Variants in XPO7 observed in about 807,000 individuals in gnomAD.
The protein encoded by XPO7 is exportin 7.
XPO7 carries 21 observed loss-of-function variants against 144.3 expected under a neutral mutation model. That is an observed-to-expected ratio of 0.15 (90% CI 0.10 to 0.21). The LOEUF (loss-of-function observed/expected upper bound fraction) is 0.21. Among genes scored for constraint, XPO7 ranks in the 10% least tolerant of loss-of-function variants. The pLI is 1.00. For synonymous variants in XPO7, 580 were observed against 499.6 expected (o/e 1.16, Z -2.15); for missense variants, 808 against 1,325.8 (o/e 0.61, Z 6.06).
Position 21,990,101 on chromosome 8 carries a change from G to A in XPO7, c.1869-243G>A, listed in dbSNP as rs957160171. 2.6e-5 allele frequency among the ~76,000 whole-genome samples: 4 copies of A among 151,628 alleles called. No individual in the cohort carries two copies. Among genetic ancestry groups the A allele is most frequent in the Non-Finnish European group, 2.9e-5 (2 of 67,938 alleles). The stretch of plus-strand genomic sequence containing the variant: ...CCTGACCTCGTGATCTGCCCTCCTC[G>A]GCCTCTCAAAGTGCTGGGATTACAG... On this transcript the variant is annotated intron_variant, in intron 16 of 27. Transcript: ENST00000252512.
At chr8:21,998,210 G>A (rs1036563151) in intron 21 of XPO7, among the ~76,000 whole-genome samples, 1 of 152,168 alleles carries the variant, frequency 6.6e-6, no homozygotes, top group Admixed American at 6.5e-5. Context: ...GGGAGGCTGA[G>A]GCGGGCGGAT....
intron 1 of XPO7, among the ~76,000 whole-genome samples, chr8:21,962,996 C>T (rs1483742278): frequency 6.6e-6 from 1 of 152,084 alleles, no homozygotes; most frequent in Non-Finnish European, 1.5e-5. Context: ...TTTCCCAGTA[C>T]ACAGAAAAAT....
intron 1 of XPO7, among the ~76,000 whole-genome samples, chr8:21,959,161 G>A (rs1029350680): frequency 6.6e-6 from 1 of 152,116 alleles, no homozygotes. Context: ...TGCGAATAAC[G>A]AGGATCAATT....
At chr8:21,990,637 A>G (rs1357900369) in intron 17 of XPO7, 174 bp from the exon 18 acceptor site, 1 of 720,986 alleles carries the variant, frequency 1.4e-6, no homozygotes. Context: ...CTGCAGATAA[A>G]TTAGTAGTAG....
intron 1 of XPO7, among the ~76,000 whole-genome samples, chr8:21,934,919 CA>C (rs1337687845): frequency 5.3e-5 from 8 of 151,944 alleles, no homozygotes; most frequent in Non-Finnish European, 2.9e-5. Flanking sequence ...ATTGTAATAG[CA>C]AAAAAGTGAA....
At chr8:21,989,382 G>A (rs1388964649) in intron 16 of XPO7, among the ~76,000 whole-genome samples, 1 of 152,156 alleles carries the variant, frequency 6.6e-6, no homozygotes, top group African/African-American at 2.4e-5. Flanking sequence ...TGTGACCAAG[G>A]TTTTAGTATC....
At chr8:21,950,591 ATAT>A (rs1165744875) in intron 1 of XPO7, among the ~76,000 whole-genome samples, 2 of 152,192 alleles carry the variant, frequency 1.3e-5, no homozygotes, top group East Asian at 1.9e-4. Context: ...CCTACAAATA[ATAT>A]TATATGGACT....
At chr8:21,976,622 G>A (rs1812232828) in intron 7 of XPO7, 101 bp downstream of exon 7, 2 of 1,325,438 alleles carry the variant, frequency 1.5e-6, no homozygotes, top group South Asian at 1.6e-5. Context: ...GTATTCTGAG[G>A]GAGAATTGAG....
chr8:22,004,919 TAAA>T (rs10548676), intron 27 of XPO7, 73 bp from the exon 28 acceptor site: 3,788 of 273,446 alleles, frequency 0.014, no homozygotes, highest in South Asian at 0.018. Flanking sequence ...TCCCATGCTT[TAAA>T]AAAAAAAAAA....
rs1813055078 is a variant in XPO7 at position 21,999,208 on chromosome 8, A to G, written c.2546A>G (p.Asn849Ser). ...LKAALSGSYV[N>S]FGVFRLYGDD... The stretch of plus-strand genomic sequence containing the variant: ...GCTGCTCTCAGTGGGAGTTACGTCA[A>G]TTTCGGAGTCTTTCGTCTCTATGGA... The change falls in exon 23 of 28, where the codon AAT becomes AGT. Residue 849 changes from asparagine to serine, a missense_variant. Transcript: ENST00000252512. 3.1e-6 allele frequency: 5 copies of G among 1,613,886 alleles called. No individual in the cohort carries two copies. Among genetic ancestry groups the G allele is most frequent in the Admixed American group, 1.7e-5 (1 of 60,014 alleles).
chr8:21,926,470 A>G (rs778208026), intron 1 of XPO7, among the ~76,000 whole-genome samples: 1 of 152,192 alleles, frequency 6.6e-6, no homozygotes, highest in African/African-American at 2.4e-5. Flanking sequence ...GGGTTTTCTT[A>G]GGATTTTTTC....
chr8:21,990,559 G>A (rs765299751), intron 17 of XPO7, 152 bp downstream of exon 17: 69 of 884,890 alleles, frequency 7.8e-5, no homozygotes, highest in South Asian at 1.9e-4. Context: ...TTATACTTAC[G>A]TCATCAGAGT....
At chr8:21,980,981 T>C (rs745361878) in intron 9 of XPO7, among the ~76,000 whole-genome samples, 1 of 139,046 alleles carries the variant, frequency 7.2e-6, no homozygotes. Context: ...TTCTCTATAC[T>C]AGAAGAAAAT....
intron 12 of XPO7, 28 bp downstream of exon 12, chr8:21,984,867 A>AG (rs750868013): frequency 6.2e-7 from 1 of 1,610,052 alleles, no homozygotes; most frequent in South Asian, 1.1e-5. Flanking sequence ...TGGGAACTCT[A>AG]GACCTGTGAG....
At chr8:21,993,940 T>TCTGTCTCTCTCTCC (rs1812853138) in intron 19 of XPO7, among the ~76,000 whole-genome samples, 1 of 151,460 alleles carries the variant, frequency 6.6e-6, no homozygotes, top group African/African-American at 2.4e-5. Flanking sequence ...TCTCTCTCTC[T>TCTGTCTCTCTCTCC]GTCTCTCTCT....
At position 21,999,616 on chromosome 8, in the gene XPO7, G is replaced by T. The variant is rs778141215; in HGVS notation, c.2724G>T (p.Leu908=). 1 of 1,613,924 alleles carries T rather than the reference G, an allele frequency of 6.2e-7. No individual in the cohort carries two copies. Among genetic ancestry groups the T allele is most frequent in the Non-Finnish European group, 8.5e-7 (1 of 1,179,878 alleles). The part of the protein sequence containing the change: ...TQDHMNFIAS[L]EPHVIMYILS... Reference sequence around the variant, plus strand: ...ACCATATGAACTTTATTGCAAGCCTGGAACCTCACGTCATCATGTATATTC... The same window carrying T: ...ACCATATGAACTTTATTGCAAGCCTTGAACCTCACGTCATCATGTATATTC... Residue 908 remains leucine, a synonymous_variant, in exon 24 of 28, where the codon CTG becomes CTT. Transcript: ENST00000252512.
At chr8:21,972,353 C>G (rs1463011693) in intron 5 of XPO7, among the ~76,000 whole-genome samples, 4 of 152,080 alleles carry the variant, frequency 2.6e-5, no homozygotes, top group Admixed American at 6.5e-5. Context: ...GTGGCATGTG[C>G]CTGTAGTCCC....
chr8:21,992,809 T>C (rs1373384487), intron 19 of XPO7, among the ~76,000 whole-genome samples: 1 of 152,222 alleles, frequency 6.6e-6, no homozygotes, highest in Non-Finnish European at 1.5e-5. Flanking sequence ...ACTTCATACA[T>C]ACTGTTCTCT....
chr8:21,990,814 G>A lies in XPO7; in HGVS notation c.1936G>A (p.Glu646Lys), dbSNP rs777303821. The stretch of plus-strand genomic sequence containing the variant: ...CTTCTTTTCTTTTTTTCAATAGAGC[G>A]AGCACTTTTCATTTTTGGGTATTAA... ...VQFMLNNHTSEHFSFLGINNQ... is the reference protein window; with the variant it reads ...VQFMLNNHTSKHFSFLGINNQ... The change falls in exon 18 of 28, where the codon GAG becomes AAG. Residue 646 changes from glutamate (E) to lysine (K), a missense_variant. By Grantham distance (56) the Glu-to-Lys change is moderately conservative. Transcript: ENST00000252512. The A allele has an allele frequency of 1.4e-5, 23 of 1,613,618 alleles. No individual in the cohort carries two copies. The highest frequency in any genetic ancestry group is 1.9e-5 in the Non-Finnish European group (23 of 1,179,812).
Sources: gnomAD v4.1 joint callset for allele counts (sites outside exome capture counted in the v4.1 genomes callset) on GRCh38, gnomAD v4.1.1 for gene constraint, MANE v1.5 for transcripts, NCBI Gene and HGNC (gene_info 2026-07-23, HGNC 2026-07-21) for gene names.